STK39: variants seen among roughly 807,000 people sequenced by gnomAD.
The protein encoded by STK39 is STE20/SPS1-related proline-alanine-rich protein kinase.
In STK39, 20 loss-of-function variants were observed where a neutral mutation model predicts 77.8. The ratio of observed to expected loss-of-function variants is 0.26; its 90% CI spans 0.18 to 0.37. The LOEUF is 0.37. STK39 is among the 10% of genes least tolerant of loss of function. STK39 has a pLI of 1.00. For missense variants in STK39, 479 were observed against 656.5 expected (o/e 0.73, Z 2.95); for synonymous variants, 246 against 234.1 (o/e 1.05, Z -0.47).
intron 14 of STK39, among the ~76,000 whole-genome samples, chr2:168,018,568 AAG>A (rs1684487539): frequency 7.0e-6 from 1 of 143,418 alleles, no homozygotes; most frequent in Non-Finnish European, 1.5e-5. Context: ...GAAAGAAAGA[AAG>A]AAAGAAAGAA....
At chr2:168,000,120 A>G (rs1683962214) in intron 16 of STK39, among the ~76,000 whole-genome samples, 2 of 152,332 alleles carry the variant, frequency 1.3e-5, no homozygotes, top group African/African-American at 2.4e-5. Context: ...CTGGCTAATC[A>G]CTATTTAGCC....
chr2:167,989,320 A>G (rs1193925982), intron 16 of STK39, among the ~76,000 whole-genome samples: 1 of 152,198 alleles, frequency 6.6e-6, no homozygotes, highest in East Asian at 1.9e-4. Flanking sequence ...TAAAAGTCCA[A>G]CACTTAGTAA....
intron 16 of STK39, among the ~76,000 whole-genome samples, chr2:167,985,949 TG>T (rs1683546307): frequency 6.6e-6 from 1 of 152,324 alleles, no homozygotes; most frequent in South Asian, 2.1e-4. Flanking sequence ...CACGGTATTT[TG>T]GGAAGAAAGG....
At chr2:167,998,314 T>C (rs1365116018) in intron 16 of STK39, among the ~76,000 whole-genome samples, 1 of 152,236 alleles carries the variant, frequency 6.6e-6, no homozygotes, top group Non-Finnish European at 1.5e-5. Context: ...TTAATTTAGA[T>C]AATTAGAGTG....
intron 16 of STK39, among the ~76,000 whole-genome samples, chr2:167,968,678 C>T (rs1468298010): frequency 6.6e-6 from 1 of 152,146 alleles, no homozygotes; most frequent in East Asian, 1.9e-4. Flanking sequence ...TCCAAAGAGA[C>T]ACCCTGAATA....
chr2:168,035,271 C>A (rs368108429), intron 14 of STK39, among the ~76,000 whole-genome samples: 1 of 152,176 alleles, frequency 6.6e-6, no homozygotes, highest in African/African-American at 2.4e-5. Flanking sequence ...GCACCTGACA[C>A]GTCATCACCA....
At chr2:167,995,056 G>A (rs1683798200) in intron 16 of STK39, among the ~76,000 whole-genome samples, 1 of 151,022 alleles carries the variant, frequency 6.6e-6, no homozygotes, top group Non-Finnish European at 1.5e-5. Flanking sequence ...CTATATATTT[G>A]ATTTCATCAT....
At chr2:168,123,146 C>T (rs540051201) in intron 10 of STK39, among the ~76,000 whole-genome samples, 32 of 152,200 alleles carry the variant, frequency 2.1e-4, no homozygotes, top group African/African-American at 6.7e-4. Context: ...CAGACCTAAA[C>T]GGAGGGACAT....
chr2:168,229,975 T>C (rs1295623837), intron 1 of STK39, among the ~76,000 whole-genome samples: 1 of 152,200 alleles, frequency 6.6e-6, no homozygotes, highest in African/African-American at 2.4e-5. Flanking sequence ...AATTAGTCTA[T>C]GAAACCTATA....
At chr2:168,230,774 C>T (rs547049341) in intron 1 of STK39, among the ~76,000 whole-genome samples, 1 of 149,766 alleles carries the variant, frequency 6.7e-6, no homozygotes, top group East Asian at 2.0e-4. Flanking sequence ...GGAAAAATTA[C>T]ACTCTCCCTA....
At chr2:168,075,351 T>A in intron 10 of STK39, 120 bp from the exon 11 acceptor site, 1 of 1,355,872 alleles carries the variant, frequency 7.4e-7, no homozygotes, top group Non-Finnish European at 1.0e-6. Context: ...TGGCTGTGAA[T>A]CCAGGGATAG....
intron 16 of STK39, among the ~76,000 whole-genome samples, chr2:167,984,229 C>G (rs1683501228): frequency 6.6e-6 from 1 of 152,212 alleles, no homozygotes; most frequent in Non-Finnish European, 1.5e-5. Flanking sequence ...CCTTGCATCT[C>G]ATACAGGCAG....
At chr2:168,193,253 G>A (rs757449547) in intron 1 of STK39, among the ~76,000 whole-genome samples, 1 of 152,004 alleles carries the variant, frequency 6.6e-6, no homozygotes, top group African/African-American at 2.4e-5. Context: ...AGTTACAACC[G>A]CAATACAGGA....
chr2:168,017,516 A>G (rs1684445704), intron 14 of STK39, among the ~76,000 whole-genome samples: 1 of 151,058 alleles, frequency 6.6e-6, no homozygotes, highest in Admixed American at 6.7e-5. Flanking sequence ...AATTACAGGC[A>G]TGTGCCACCA....
chr2:168,144,600 C>T (rs891243783), intron 5 of STK39, among the ~76,000 whole-genome samples: 3 of 151,838 alleles, frequency 2.0e-5, no homozygotes, highest in Non-Finnish European at 4.4e-5. Flanking sequence ...GCCACCATGC[C>T]GAGCCTCAAT....
chr2:167,997,139 A>G (rs1328392488), intron 16 of STK39, among the ~76,000 whole-genome samples: 1 of 151,394 alleles, frequency 6.6e-6, no homozygotes, highest in Non-Finnish European at 1.5e-5. Flanking sequence ...CAGAGAAGTA[A>G]TAGGAGAAGG....
chr2:168,182,932 C>T (rs890684065), intron 1 of STK39, among the ~76,000 whole-genome samples: 1 of 152,160 alleles, frequency 6.6e-6, no homozygotes, highest in Non-Finnish European at 1.5e-5. Context: ...ACAGCCTGCA[C>T]TCAGGATTGT....
At chr2:168,129,031 T>TA (rs1192827973) in intron 10 of STK39, among the ~76,000 whole-genome samples, 2 of 152,172 alleles carry the variant, frequency 1.3e-5, no homozygotes, top group Non-Finnish European at 2.9e-5. Flanking sequence ...ATCTAAAACC[T>TA]AAAATGGAAG....
intron 5 of STK39, among the ~76,000 whole-genome samples, chr2:168,150,241 C>A (rs1688244747): frequency 6.6e-6 from 1 of 152,186 alleles, no homozygotes; most frequent in African/African-American, 2.4e-5. Flanking sequence ...AGAACCATGG[C>A]AGTCGAGGAA....
Sources: allele counts gnomAD v4.1 joint callset (sites outside exome capture counted in the v4.1 genomes callset), GRCh38; gene constraint gnomAD v4.1.1; transcripts MANE v1.5; gene names NCBI Gene and HGNC (gene_info 2026-07-23, HGNC 2026-07-21).